The following HSPA14 variants were observed in gnomAD, a reference collection of about 807,000 sequenced individuals.
HSPA14 encodes heat shock 70 kDa protein 14.
A neutral mutation model predicts 65.5 loss-of-function variants in HSPA14; 37 were observed. That is an observed-to-expected ratio of 0.56 (90% CI 0.43 to 0.74). HSPA14 has a LOEUF of 0.74. HSPA14 is among the 30% of genes least tolerant of loss of function. HSPA14 has a pLI of 0.00. For missense variants in HSPA14, 564 were observed against 607.6 expected (o/e 0.93, Z 0.75); for synonymous variants, 203 against 214.2 (o/e 0.95, Z 0.46).
At position 14,842,376 on chromosome 10, in the gene HSPA14, A is replaced by C; in HGVS notation, c.221+2219A>C. ...ATACTAGGCGAGGCAGAGTATATTC[A>C]GCGCCTCCAGACTGTGCATCACAAT... On this transcript the variant is annotated intron_variant, in intron 3 of 13. Transcript: ENST00000378372. The surrounding 1 kb of genome is among the most constrained non-coding windows in gnomAD (Gnocchi z 5.2). 5 of 1,536,158 alleles carry C rather than the reference A, an allele frequency of 3.3e-6. No homozygotes were observed. The highest frequency in any genetic ancestry group is 4.4e-6 in the Non-Finnish European group (5 of 1,146,912).
chr10:14,839,854 C>G, intron 1 of HSPA14, 51 bp from the exon 2 acceptor site: 1 of 1,355,306 alleles, frequency 7.4e-7, no homozygotes, highest in Non-Finnish European at 1.0e-6. Context: ...CACAAATGCA[C>G]ACGTCTGAAT....
intron 10 of HSPA14, among the ~76,000 whole-genome samples, chr10:14,863,118 T>G (rs562067796): frequency 6.6e-6 from 1 of 152,364 alleles, no homozygotes; most frequent in East Asian, 1.9e-4. Context: ...AATAATTTCC[T>G]AATATGGAAC....
chr10:14,842,607 C>T lies in HSPA14; in HGVS notation c.221+2450C>T. ...CTCCGAAATCAGATAGTGACTGACC[C>T]AGACAACTTAATGGAGGATGCTGCT... On this transcript the variant is annotated intron_variant, in intron 3 of 13. Transcript: ENST00000378372. The surrounding 1 kb of genome is among the most constrained non-coding windows in gnomAD (Gnocchi z 5.2). 1.3e-6 allele frequency: 2 copies of T among 1,536,138 alleles called. No individual in the cohort carries two copies. Among genetic ancestry groups the T allele is most frequent in the South Asian group, 1.2e-5 (1 of 84,058 alleles).
intron 10 of HSPA14, among the ~76,000 whole-genome samples, chr10:14,857,674 A>C (rs112156137): frequency 4.6e-5 from 7 of 152,034 alleles, no homozygotes; most frequent in Non-Finnish European, 8.8e-5. Context: ...CCTTTGAGGC[A>C]TTTACTTCAC....
At chr10:14,867,325 G>T (rs776880106) in intron 11 of HSPA14, 30 bp downstream of exon 11, 13 of 1,466,660 alleles carry the variant, frequency 8.9e-6, no homozygotes, top group Non-Finnish European at 1.1e-5. Context: ...ACTAGTTAAG[G>T]TATGTTTAGC....
At chr10:14,864,307 C>T (rs1474723409) in intron 10 of HSPA14, among the ~76,000 whole-genome samples, 3 of 144,362 alleles carry the variant, frequency 2.1e-5, no homozygotes, top group Non-Finnish European at 4.5e-5. Flanking sequence ...TTTTGCATAG[C>T]ACCACTTACT....
intron 12 of HSPA14, among the ~76,000 whole-genome samples, chr10:14,870,175 A>AT (rs1437027138): frequency 4.0e-5 from 6 of 151,650 alleles, no homozygotes; most frequent in African/African-American, 1.5e-4. Flanking sequence ...TAAGTAGGTG[A>AT]TTTTCCAAAT....
chr10:14,845,695 G>A (rs763113060), intron 3 of HSPA14: 6 of 228,750 alleles, frequency 2.6e-5, no homozygotes, highest in South Asian at 1.6e-4. Context: ...CCGAGTAGCC[G>A]GGATTACAGG....
chr10:14,869,328 GCT>G (rs1441781029), intron 12 of HSPA14, among the ~76,000 whole-genome samples: 3 of 148,286 alleles, frequency 2.0e-5, no homozygotes, highest in African/African-American at 7.5e-5. Flanking sequence ...ACGGCATCTT[GCT>G]CTGTCACCTA....
At position 14,852,381 on chromosome 10, in the gene HSPA14, T is replaced by G. The variant is rs1834114653; in HGVS notation, c.584T>G (p.Val195Gly). 3 of 1,612,562 alleles carry G rather than the reference T, an allele frequency of 1.9e-6. No individual in the cohort carries two copies. The Admixed American group carries it at 5.0e-5, about 27-fold the overall frequency. ...ATCTTCTCTTGAAGCAATATTTTGG[T>G]GTTTAAGCTTGGAGGAACATCCTTA... ...DSPTGKSNILVFKLGGTSLSL... is the reference protein window; with the variant it reads ...DSPTGKSNILGFKLGGTSLSL... The change falls in exon 8 of 14, where the codon GTG becomes GGG. Residue 195 changes from valine to glycine, a missense_variant. Val to Gly is a moderately radical substitution (Grantham distance 109). Coordinates refer to ENST00000378372, the MANE Select transcript of HSPA14 (RefSeq NM_016299.4).
intron 3 of HSPA14, among the ~76,000 whole-genome samples, chr10:14,841,694 AT>A (rs766446651): frequency 6.6e-6 from 1 of 152,214 alleles, no homozygotes; most frequent in Non-Finnish European, 1.5e-5. Flanking sequence ...AAAAATTTGT[AT>A]TAGCAGAGCA....
In HSPA14 at chr10:14,838,409, G is replaced by A; in HGVS notation, c.7G>A (p.Ala3Thr). 6.2e-7 allele frequency: 1 copy of A among 1,604,616 alleles called. No homozygotes were observed. Among genetic ancestry groups the A allele is most frequent in the Non-Finnish European group, 8.5e-7 (1 of 1,177,812 alleles). MA[A>T]IGVHLGCTSA... is the part of the protein sequence containing the mutation. ...CTGCCGTCCCTGCTGCCTCATGGCG[G>A]CCATCGGAGTTCACCTGGGCTGCAC... The change falls in exon 1 of 14, where the codon GCC becomes ACC. Residue 3 changes from alanine (A) to threonine (T), a missense_variant. Coordinates refer to ENST00000378372, the MANE Select transcript of HSPA14 (RefSeq NM_016299.4).
At position 14,842,585 on chromosome 10, in the gene HSPA14, C is replaced by T. The variant is rs765174139; in HGVS notation, c.221+2428C>T. ...TTATGATACGTTGGATCAGCTTCTCCGAAATCAGATAGTGACTGACCCAGA... is the reference window on the plus strand; with the variant it reads ...TTATGATACGTTGGATCAGCTTCTCTGAAATCAGATAGTGACTGACCCAGA... On this transcript the variant is annotated intron_variant, in intron 3 of 13. Transcript: ENST00000378372. This position sits in a 1 kb window ranked among gnomAD's most constrained non-coding sequence, Gnocchi z 5.2. 11 of 1,536,004 alleles carry T rather than the reference C, an allele frequency of 7.2e-6. No individual in the cohort carries two copies. Among genetic ancestry groups the T allele is most frequent in the Middle Eastern group, 1.7e-4 (1 of 6,012 alleles).
At chr10:14,855,298 CA>C (rs1450026068) in intron 9 of HSPA14, among the ~76,000 whole-genome samples, 2 of 152,136 alleles carry the variant, frequency 1.3e-5, no homozygotes, top group African/African-American at 4.8e-5. Context: ...TTAGGGAGTA[CA>C]TTTTTCATGA....
At chr10:14,847,653 A>G in intron 3 of HSPA14, among the ~76,000 whole-genome samples, 1 of 152,186 alleles carries the variant, frequency 6.6e-6, no homozygotes, top group South Asian at 2.1e-4. Context: ...GCCTCTTAAC[A>G]AGTTAAGGTC....
Position 14,852,332 on chromosome 10 carries a change from T to C in HSPA14, c.573-38T>C, listed in dbSNP as rs376227646. The C allele has an allele frequency of 3.6e-5, 56 of 1,556,720 alleles. No individual in the cohort carries two copies. In the African/African-American group the frequency reaches 6.4e-4, roughly 18 times the overall value. On this transcript the variant is annotated intron_variant, in intron 7 of 13. Coordinates refer to ENST00000378372, the MANE Select transcript of HSPA14 (RefSeq NM_016299.4). The stretch of plus-strand genomic sequence containing the variant: ...TCTAATATCCAACTTAGTTTTAAAA[T>C]GTTATTCCCTGATAACTTACTTTAT...
At chr10:14,839,202 G>T (rs1310798168) in intron 1 of HSPA14, among the ~76,000 whole-genome samples, 1 of 152,232 alleles carries the variant, frequency 6.6e-6, no homozygotes, top group African/African-American at 2.4e-5. Context: ...GAACTCCGTT[G>T]CCACTAGTCC....
In HSPA14 at chr10:14,871,015, A is replaced by C. The variant is rs1197788693; in HGVS notation, c.1451+348A>C. 2.0e-5 allele frequency among the ~76,000 whole-genome samples: 3 copies of C among 152,294 alleles called. No homozygotes were observed. The East Asian group carries it at 5.8e-4, about 29-fold the overall frequency. On this transcript the variant is annotated intron_variant, in intron 13 of 13. Coordinates refer to ENST00000378372, the MANE Select transcript of HSPA14 (RefSeq NM_016299.4). ...GCCCTATGAAAGGGTAAGTTTCTTT[A>C]TTGCTGCAGAAAATCTGTAAGAAAA...
intron 10 of HSPA14, among the ~76,000 whole-genome samples, chr10:14,861,274 ATT>A (rs1374442218): frequency 4.0e-5 from 6 of 149,532 alleles, no homozygotes; most frequent in Non-Finnish European, 7.4e-5. Context: ...GTGGGGAGAC[ATT>A]TCTCTAAGAT....
Sources: allele counts gnomAD v4.1 joint callset (sites outside exome capture counted in the v4.1 genomes callset), GRCh38; gene constraint gnomAD v4.1.1; non-coding constraint Gnocchi (gnomAD v3.1); transcripts MANE v1.5; gene names NCBI Gene and HGNC (gene_info 2026-07-23, HGNC 2026-07-21).